DAB2: variants seen among roughly 807,000 people sequenced by gnomAD.
DAB2 encodes DAB adaptor protein 2.
Under a neutral mutation model 71.6 loss-of-function variants are expected in DAB2, and 28 were observed. The observed-to-expected ratio is 0.39, with a 90% confidence interval of 0.29 to 0.54. DAB2 has a LOEUF of 0.54. Among genes scored for constraint, DAB2 ranks in the 20% least tolerant of loss-of-function variants. The pLI, the probability that DAB2 is intolerant of heterozygous loss-of-function variation, is 0.68. For missense variants in DAB2, 867 were observed against 928.8 expected (o/e 0.93, Z 0.86); for synonymous variants, 345 against 339.7 (o/e 1.02, Z -0.17).
At position 39,393,284 on chromosome 5, in the gene DAB2, T is replaced by C. The variant is rs775540073; in HGVS notation, c.201A>G (p.Lys67=). ...IDDVPDARGD[K]MSQDSMMKLK... ...GTTTCATCATAGAGTCTTGGCTCAT[T>C]TTATCCCCTCTTGCATCTGGCACAT... The change falls in exon 3 of 15, where the codon AAA becomes AAG. Residue 67 remains lysine, a synonymous_variant. Coordinates refer to ENST00000320816, the MANE Select transcript of DAB2 (RefSeq NM_001343.4). 6.5e-5 allele frequency: 105 copies of C among 1,613,986 alleles called. No homozygotes were observed. Among genetic ancestry groups the C allele is most frequent in the Non-Finnish European group, 8.5e-5 (100 of 1,179,988 alleles).
intron 1 of DAB2, among the ~76,000 whole-genome samples, chr5:39,412,159 A>G (rs2112101346): frequency 6.6e-6 from 1 of 152,302 alleles, no homozygotes; most frequent in Non-Finnish European, 1.5e-5. Context: ...TCTTAAGAGT[A>G]TGTCATTTCC....
chr5:39,405,785 A>G (rs1755596957), intron 1 of DAB2, among the ~76,000 whole-genome samples: 1 of 152,220 alleles, frequency 6.6e-6, no homozygotes, highest in African/African-American at 2.4e-5. Context: ...TGATGTAGGG[A>G]AGAGAGATTG....
At chr5:39,398,463 T>G (rs1188934006) in intron 1 of DAB2, among the ~76,000 whole-genome samples, 1 of 152,198 alleles carries the variant, frequency 6.6e-6, no homozygotes, top group African/African-American at 2.4e-5. Context: ...CTTTCGCCAT[T>G]TGGGTATGAG....
At position 39,392,471 on chromosome 5, in the gene DAB2, G is replaced by C. The variant is rs1188113616; in HGVS notation, c.232-8C>G. On this transcript the variant is annotated splice_polypyrimidine_tract_variant and splice_region_variant and intron_variant, in intron 3 of 14. Coordinates refer to ENST00000320816, the MANE Select transcript of DAB2 (RefSeq NM_001343.4). The stretch of plus-strand genomic sequence containing the variant: ...ACCAGCTGCCGCCATTCCCTGATGA[G>C]GGTGGAAAAACAAGAGAAGTTGAAT... The C allele has an allele frequency of 1.9e-6, 3 of 1,603,518 alleles. No individual in the cohort carries two copies. The East Asian group carries it at 6.7e-5, about 36-fold the overall frequency.
chr5:39,398,105 G>T (rs527256034), intron 1 of DAB2, among the ~76,000 whole-genome samples: 63 of 152,230 alleles, frequency 4.1e-4, no homozygotes, highest in African/African-American at 1.5e-3. Context: ...TTCACTGCAA[G>T]GTATTATTTC....
rs1407485595 is a variant in DAB2 at position 39,379,146 on chromosome 5, G to C, written c.1505-1864C>G. ...GGAAAATATCATATTAGTGAGAATGGTATTTGTAAAAGAGAAAAATATTAG... is the reference window on the plus strand; with the variant it reads ...GGAAAATATCATATTAGTGAGAATGCTATTTGTAAAAGAGAAAAATATTAG... On this transcript the variant is annotated intron_variant, in intron 11 of 14. Transcript: ENST00000320816. Among the ~76,000 whole-genome samples, 3 of 152,110 alleles carry C rather than the reference G, an allele frequency of 2.0e-5. No homozygotes were observed. The East Asian group carries it at 5.8e-4, about 29-fold the overall frequency.
At chr5:39,423,255 A>G (rs897609185) in intron 1 of DAB2, among the ~76,000 whole-genome samples, 1 of 8,456 alleles carries the variant, frequency 1.2e-4, no homozygotes, top group Non-Finnish European at 2.6e-4. Flanking sequence ...ATTTGGAAGA[A>G]GTGGTCTGTC....
chr5:39,373,287 G>A lies in DAB2; in HGVS notation c.*144C>T, dbSNP rs1366596759. ...TGAAAAGCATTTTACAAGTAGAAGA[G>A]GCAATGAGAAATAAGGCAACAGATA... On this transcript the variant is annotated 3_prime_UTR_variant, in exon 15 of 15. Transcript: ENST00000320816. The A allele has an allele frequency of 1.3e-5, 2 of 152,360 alleles. No homozygotes were observed. The highest frequency in any genetic ancestry group is 2.9e-5 in the Non-Finnish European group (2 of 68,014). 9.4% of individuals were successfully genotyped at this position (152,360 alleles called of 1,614,324 possible). A position where few individuals can be genotyped will look rare whatever the true frequency, so the allele number is the denominator to read the frequency against.
chr5:39,380,716 A>G (rs10060620), intron 11 of DAB2, among the ~76,000 whole-genome samples: 2,130 of 152,308 alleles, frequency 0.014, 49 homozygotes, highest in African/African-American at 0.048. Context: ...CACACAAGCT[A>G]ATGACACATT....
chr5:39,375,536 T>C (rs1449342363), intron 13 of DAB2, among the ~76,000 whole-genome samples: 1 of 152,172 alleles, frequency 6.6e-6, no homozygotes, highest in Non-Finnish European at 1.5e-5. Context: ...TAAATGAATG[T>C]TTATACTGTG....
chr5:39,377,115 G>A lies in DAB2; in HGVS notation c.1672C>T (p.Pro558Ser). Reference protein sequence around the residue: ...TSPAVSGWNQPSPFAASTPPP... With the variant: ...TSPAVSGWNQSSPFAASTPPP... ...GGAGTTGAGGCTGCAAAGGGTGAAG[G>A]CTGGTTCCAACCTGAAACAGCTGGA... The change falls in exon 12 of 15, where the codon CCT becomes TCT. Residue 558 changes from proline (P) to serine (S), a missense_variant. Pro to Ser is a moderately conservative substitution (Grantham distance 74, BLOSUM62 -1). Coordinates refer to ENST00000320816, the MANE Select transcript of DAB2 (RefSeq NM_001343.4). 2 of 1,614,142 alleles carry A rather than the reference G, an allele frequency of 1.2e-6. No homozygotes were observed. The highest frequency in any genetic ancestry group is 1.7e-6 in the Non-Finnish European group (2 of 1,180,012).
At chr5:39,406,841 T>C (rs1049228973) in intron 1 of DAB2, among the ~76,000 whole-genome samples, 7 of 151,714 alleles carry the variant, frequency 4.6e-5, no homozygotes, top group Non-Finnish European at 1.0e-4. Flanking sequence ...AATATTAGAG[T>C]TTTAATATTA....
At position 39,390,464 on chromosome 5, in the gene DAB2, C is replaced by CA; in HGVS notation, c.441dup (p.Ala148CysfsTer9). 1 of 1,613,932 alleles carries CA rather than the reference C, an allele frequency of 6.2e-7. No homozygotes were observed. The highest frequency in any genetic ancestry group is 8.5e-7 in the Non-Finnish European group (1 of 1,179,946). The stretch of plus-strand genomic sequence containing the variant: ...CTCACCTGTTGCCCGGTTTTTATGG[C>CA]AAAAAACTGATGCTGGCCTTCTCCT... On this transcript the variant is annotated frameshift_variant, in exon 5 of 15. Coordinates refer to ENST00000320816, the MANE Select transcript of DAB2 (RefSeq NM_001343.4). LOFTEE classifies it high-confidence loss of function.
intron 9 of DAB2, among the ~76,000 whole-genome samples, chr5:39,384,588 C>A (rs945855255): frequency 1.3e-5 from 2 of 152,012 alleles, no homozygotes; most frequent in African/African-American, 4.8e-5. Flanking sequence ...AATTCTATCC[C>A]CTCTCTATCA....
chr5:39,376,023 C>T lies in DAB2; in HGVS notation c.2221G>A (p.Asp741Asn). 1.2e-6 allele frequency: 2 copies of T among 1,613,976 alleles called. No homozygotes were observed. Among genetic ancestry groups the T allele is most frequent in the Non-Finnish European group, 1.7e-6 (2 of 1,179,950 alleles). The change falls in exon 13 of 15, where the codon GAT (aspartate) becomes AAT (asparagine). Residue 741 changes from aspartate to asparagine, a missense_variant. By Grantham distance (23) the Asp-to-Asn change is conservative (BLOSUM62 1). Coordinates refer to ENST00000320816, the MANE Select transcript of DAB2 (RefSeq NM_001343.4). ...DNAFENPFFK[D>N]SFGSSQASVA... ...GAGGCTTGTGATGAACCAAAAGAAT[C>T]TTTAAAGAAAGGGTTCTCAAATGCA...
intron 14 of DAB2, among the ~76,000 whole-genome samples, chr5:39,374,231 A>T (rs2112016632): frequency 6.6e-6 from 1 of 151,706 alleles, no homozygotes; most frequent in Non-Finnish European, 1.5e-5. Context: ...GTTGTTTTTC[A>T]TTATTTCTAT....
chr5:39,374,459 T>C (rs1392346033), intron 14 of DAB2, among the ~76,000 whole-genome samples: 1 of 152,196 alleles, frequency 6.6e-6, no homozygotes, highest in Non-Finnish European at 1.5e-5. Flanking sequence ...TTCAGACTCA[T>C]TTTGAGCTCC....
At chr5:39,401,421 C>A (rs1409640477) in intron 1 of DAB2, among the ~76,000 whole-genome samples, 3 of 152,120 alleles carry the variant, frequency 2.0e-5, no homozygotes, top group Admixed American at 1.3e-4. Context: ...GGAACCAAGT[C>A]AGACCAGAGT....
chr5:39,392,666 G>A (rs1453352609), intron 3 of DAB2, among the ~76,000 whole-genome samples: 2 of 152,104 alleles, frequency 1.3e-5, no homozygotes, highest in African/African-American at 4.8e-5. Context: ...GTGCGAACTC[G>A]GACAAGTCAC....
Sources: allele counts gnomAD v4.1 joint callset (sites outside exome capture counted in the v4.1 genomes callset), GRCh38; gene constraint gnomAD v4.1.1; transcripts MANE v1.5; gene names NCBI Gene and HGNC (gene_info 2026-07-23, HGNC 2026-07-21).